SLC2A9: variants seen among roughly 807,000 people sequenced by gnomAD.
The protein encoded by SLC2A9 is solute carrier family 2 member 9, also known as solute carrier family 2, facilitated glucose transporter member 9.
Under a neutral mutation model 50.6 loss-of-function variants are expected in SLC2A9, and 39 were observed. That is an observed-to-expected ratio of 0.77 (90% CI 0.60 to 1.01). The LOEUF (loss-of-function observed/expected upper bound fraction) is 1.01. Ranked by LOEUF, SLC2A9 falls within the 50% of genes least tolerant of loss-of-function variation. The probability of loss-of-function intolerance (pLI) is 0.00; values close to 1 mark genes in which losing one functional copy is unlikely to be tolerated. For synonymous variants in SLC2A9, 324 were observed against 276.9 expected, an observed-to-expected ratio of 1.17 and a Z score of -1.69; for missense variants, 686 against 677.6, an observed-to-expected ratio of 1.01 and a Z score of -0.14.
chr4:10,019,009 C>T lies in SLC2A9; in HGVS notation c.215G>A (p.Gly72Asp), dbSNP rs1763139649. 6.4e-7 allele frequency: 1 copy of T among 1,550,672 alleles called. No individual in the cohort carries two copies. The highest frequency in any genetic ancestry group is 8.7e-7 in the Non-Finnish European group (1 of 1,146,974). Residue 72 changes from glycine (G) to aspartate (D), a missense_variant, in exon 2 of 12, where the codon GGC becomes GAC. Gly to Asp is a moderately conservative substitution (Grantham distance 94). Coordinates refer to ENST00000264784, the MANE Select transcript of SLC2A9 (RefSeq NM_020041.3). ...AGAFGSSFLYGYNLSVVNAPT... is the reference protein window; with the variant it reads ...AGAFGSSFLYDYNLSVVNAPT... Reference sequence around the variant, plus strand: ...GGCATTCACCACCGACAGGTTGTAGCCGTAGAGGAAGGAGGAGCCGAAGGC... The same window carrying T: ...GGCATTCACCACCGACAGGTTGTAGTCGTAGAGGAAGGAGGAGCCGAAGGC...
At chr4:10,014,459 T>C (rs1273619940) in intron 2 of SLC2A9, among the ~76,000 whole-genome samples, 3 of 152,188 alleles carry the variant, frequency 2.0e-5, no homozygotes, top group Non-Finnish European at 4.4e-5. Context: ...AGCCTGCTCA[T>C]AGCCTGGGTG....
chr4:10,012,939 A>C (rs566278920), intron 2 of SLC2A9, among the ~76,000 whole-genome samples: 37 of 152,272 alleles, frequency 2.4e-4, no homozygotes, highest in African/African-American at 8.2e-4. Flanking sequence ...CGGAGGGACA[A>C]TATGATCTTG....
chr4:9,824,696 T>G (rs1178094838), downstream of SLC2A9, among the ~76,000 whole-genome samples: 1 of 152,198 alleles, frequency 6.6e-6, no homozygotes, highest in Non-Finnish European at 1.5e-5. Context: ...TGATACATCT[T>G]TAGTATGTAG....
In SLC2A9 at chr4:9,806,233, G is replaced by C. The variant is rs74706199; in HGVS notation, n.421-6992C>G. 5.8e-3 allele frequency among the ~76,000 whole-genome samples: 877 copies of C among 152,308 alleles called. 31 individuals carry two copies. In the East Asian group the frequency reaches 0.081, roughly 14 times the overall value. On this transcript the variant is annotated intron_variant and non_coding_transcript_variant, in intron 3 of 3. Coordinates refer to the SLC2A9 transcript ENST00000503280. ...TCGTGATGGCCTTGACACCCACACT[G>C]AAAGTTGTCGGTTTACCGGAATGAG...
In SLC2A9 at chr4:9,826,429, C is replaced by T; in HGVS notation, c.1591G>A (p.Val531Ile). 1 of 1,614,086 alleles carries T rather than the reference C, an allele frequency of 6.2e-7. No individual in the cohort carries two copies. Among genetic ancestry groups the T allele is most frequent in the Non-Finnish European group, 8.5e-7 (1 of 1,179,962 alleles). Residue 531 changes from valine (V) to isoleucine (I), a missense_variant, in exon 12 of 12, where the codon GTC becomes ATC. Coordinates refer to ENST00000264784, the MANE Select transcript of SLC2A9 (RefSeq NM_020041.3). ...YPPEEKIDSA[V>I]TDGKINGRP ...CTTCCATTTATCTTACCATCAGTGA[C>T]AGCTGAGTCGATTTTCTCTTCTGGT...
intron 10 of SLC2A9, chr4:9,880,512 A>G: frequency 1.0e-6 from 1 of 985,404 alleles, no homozygotes; most frequent in Non-Finnish European, 1.2e-6. Context: ...GAACAGAATC[A>G]GGATCATTGC....
chr4:9,886,807 C>A (rs923381236), intron 10 of SLC2A9, among the ~76,000 whole-genome samples: 1 of 152,162 alleles, frequency 6.6e-6, no homozygotes, highest in Non-Finnish European at 1.5e-5. Context: ...TTGGACTCTG[C>A]TGGAGGTCCC....
At chr4:10,025,940 T>C, upstream of SLC2A9, 1 of 1,614,106 alleles carries the variant, frequency 6.2e-7, no homozygotes, top group Non-Finnish European at 8.5e-7. Context: ...CTTCATCTTC[T>C]CCTCGGTCCT....
intron 7 of SLC2A9, among the ~76,000 whole-genome samples, chr4:9,911,084 C>T (rs1039226903): frequency 3.9e-5 from 6 of 152,036 alleles, no homozygotes; most frequent in Admixed American, 3.9e-4. Context: ...ACCATCATGG[C>T]ACGTGTATAC....
intron 3 of SLC2A9, among the ~76,000 whole-genome samples, chr4:9,991,763 C>A (rs1320991729): frequency 3.9e-5 from 6 of 152,120 alleles, no homozygotes; most frequent in Non-Finnish European, 7.4e-5. Flanking sequence ...GAGCACACAG[C>A]GAGAAAGCAG....
intron 3 of SLC2A9, among the ~76,000 whole-genome samples, chr4:9,787,723 GCCAGCTACTTGGTAGACTTGT>G (rs934734234): frequency 6.6e-6 from 1 of 152,158 alleles, no homozygotes; most frequent in Non-Finnish European, 1.5e-5. Flanking sequence ...AGATTACCTG[GCCAGCTACTTGGTAGACTTGT>G]CCTTCAACTT....
At chr4:9,992,488 G>A (rs1191558405) in intron 3 of SLC2A9, among the ~76,000 whole-genome samples, 1 of 152,202 alleles carries the variant, frequency 6.6e-6, no homozygotes, top group Non-Finnish European at 1.5e-5. Flanking sequence ...ATTGTCAAAT[G>A]TCCCCTGATG....
chr4:9,917,502 T>A (rs1331905735), intron 7 of SLC2A9, among the ~76,000 whole-genome samples: 2 of 151,782 alleles, frequency 1.3e-5, no homozygotes, highest in Non-Finnish European at 2.9e-5. Context: ...CTGGCTAATT[T>A]TTATATTTAG....
In SLC2A9 at chr4:9,908,304, G is replaced by A. The variant is rs1560282333; in HGVS notation, c.1044C>T (p.Ile348=). 5 of 1,613,984 alleles carry A rather than the reference G, an allele frequency of 3.1e-6. No homozygotes were observed. Among genetic ancestry groups the A allele is most frequent in the South Asian group, 2.2e-5 (2 of 91,064 alleles). The change falls in exon 8 of 12, where the codon ATC becomes ATT. Residue 348 remains isoleucine (I), a synonymous_variant. Coordinates refer to ENST00000264784, the MANE Select transcript of SLC2A9 (RefSeq NM_020041.3). ...TGACGTATGGGATCTTTGCCGGAGG[G>A]ATCCCAGCTTTTCCAAAGATGCTGT... ...YTNSIFGKAG[I]PPAKIPYVTL...
chr4:9,820,333 C>G (rs1489097458), intron 3 of SLC2A9, among the ~76,000 whole-genome samples: 1 of 152,132 alleles, frequency 6.6e-6, no homozygotes, highest in Non-Finnish European at 1.5e-5. Context: ...TATACTTTCA[C>G]CAATATTGTA....
chr4:9,932,208 A>G (rs13122290), intron 6 of SLC2A9, among the ~76,000 whole-genome samples: 88,426 of 151,128 alleles, frequency 0.59, 26,954 homozygotes, highest in African/African-American at 0.77. Flanking sequence ...GTCTCCATCC[A>G]ATTGCTATAA....
At chr4:9,771,613 G>A (rs13124141) in intron 1 of SLC2A9, among the ~76,000 whole-genome samples, 86,733 of 152,134 alleles carry the variant, frequency 0.57, 25,376 homozygotes, top group Non-Finnish European at 0.64. Flanking sequence ...GACTCCAAGA[G>A]GCTAAGATGA....
chr4:9,875,564 A>C (rs1734186491), intron 10 of SLC2A9, among the ~76,000 whole-genome samples: 1 of 152,194 alleles, frequency 6.6e-6, no homozygotes, highest in Non-Finnish European at 1.5e-5. Context: ...GTGCTCCCTT[A>C]GTACCTGGGA....
chr4:9,902,947 T>C (rs1403097503), intron 8 of SLC2A9, among the ~76,000 whole-genome samples: 1 of 152,214 alleles, frequency 6.6e-6, no homozygotes, highest in Non-Finnish European at 1.5e-5. Context: ...GCACTGTGAA[T>C]TACAGTATGA....
Sources: gnomAD v4.1 joint callset for allele counts (sites outside exome capture counted in the v4.1 genomes callset) on GRCh38, gnomAD v4.1.1 for gene constraint, MANE v1.5 for transcripts, NCBI Gene and HGNC (gene_info 2026-07-23, HGNC 2026-07-21) for gene names.